The following CTNNA2 variants were observed in gnomAD, a reference collection of about 807,000 sequenced individuals.
CTNNA2 encodes catenin alpha-2.
Under a neutral mutation model 101.0 loss-of-function variants are expected in CTNNA2, and 42 were observed. That is an observed-to-expected ratio of 0.42 (90% confidence interval 0.32 to 0.54). The LOEUF (loss-of-function observed/expected upper bound fraction) is 0.54, where lower values mean the gene tolerates loss of function less well. Among genes scored for constraint, CTNNA2 ranks in the 20% least tolerant of loss-of-function variants. The pLI, the probability that CTNNA2 is intolerant of heterozygous loss-of-function variation, is 0.14. For synonymous variants in CTNNA2, 450 were observed against 456.4 expected (o/e 0.99, Z 0.18); for missense variants, 871 against 1,223.1 (o/e 0.71, Z 4.29).
At chr2:80,516,203 C>T (rs540011452) in intron 9 of CTNNA2, among the ~76,000 whole-genome samples, 1 of 152,326 alleles carries the variant, frequency 6.6e-6, no homozygotes, top group South Asian at 2.1e-4. Context: ...GGCTAATATG[C>T]ATCTTGCCTT....
intron 9 of CTNNA2, among the ~76,000 whole-genome samples, chr2:80,456,616 G>T (rs945369670): frequency 1.3e-5 from 2 of 152,180 alleles, no homozygotes; most frequent in African/African-American, 4.8e-5. Context: ...GTGTTTAAGG[G>T]CTCAAGGCTT....
At chr2:79,254,539 C>T (rs116215239) in intron 2 of CTNNA2, among the ~76,000 whole-genome samples, 6,429 of 152,228 alleles carry the variant, frequency 0.042, 384 homozygotes, top group African/African-American at 0.13. Flanking sequence ...AAAATCTCCC[C>T]GAGGCTTCCC....
chr2:79,427,854 A>G (rs1338447688), intron 4 of CTNNA2, among the ~76,000 whole-genome samples: 1 of 152,094 alleles, frequency 6.6e-6, no homozygotes, highest in African/African-American at 2.4e-5. Flanking sequence ...CAAAAATGAA[A>G]TCCTTTTTAA....
chr2:80,596,303 TTTTTTTTTTTTTTTTTTTTTTTTTGA>T, intron 15 of CTNNA2, among the ~76,000 whole-genome samples: 2 of 69,746 alleles, frequency 2.9e-5, no homozygotes, highest in Non-Finnish European at 5.7e-5. Context: ...TTTTTTTTTT[TTTTTTTTTTTTTTTTTTTTTTTTTGA>T]GACGGAGTCT....
chr2:80,553,929 A>G (rs1443673403), intron 11 of CTNNA2, among the ~76,000 whole-genome samples: 1 of 152,154 alleles, frequency 6.6e-6, no homozygotes, highest in African/African-American at 2.4e-5. Flanking sequence ...AAATGTCATG[A>G]TTTGGGAAGT....
At chr2:79,682,252 CA>C (rs915244691) in intron 2 of CTNNA2, among the ~76,000 whole-genome samples, 97 of 150,866 alleles carry the variant, frequency 6.4e-4, no homozygotes, top group African/African-American at 2.3e-3. Flanking sequence ...ACTAAAAATA[CA>C]AAAAAAACTT....
intron 9 of CTNNA2, 98 bp from the exon 10 acceptor site, chr2:80,544,884 C>G: frequency 1.0e-6 from 1 of 973,716 alleles, no homozygotes; most frequent in East Asian, 2.6e-5. Context: ...AAAGAATTCT[C>G]CTGGAAGAGA....
At chr2:80,226,091 C>T (rs748938294) in intron 7 of CTNNA2, among the ~76,000 whole-genome samples, 7 of 152,132 alleles carry the variant, frequency 4.6e-5, no homozygotes, top group Non-Finnish European at 8.8e-5. Flanking sequence ...CATTCATTAT[C>T]AGATGAGGAT....
At chr2:79,682,212 T>C (rs1031462502) in intron 2 of CTNNA2, among the ~76,000 whole-genome samples, 3 of 151,490 alleles carry the variant, frequency 2.0e-5, no homozygotes, top group African/African-American at 7.3e-5. Flanking sequence ...ATCGAGACCA[T>C]CCTGGCTAAC....
intron 7 of CTNNA2, among the ~76,000 whole-genome samples, chr2:80,126,451 T>C (rs1573158729): frequency 6.9e-6 from 1 of 145,638 alleles, no homozygotes; most frequent in Non-Finnish European, 1.5e-5. Flanking sequence ...TACCTCCAAC[T>C]CCTACCATTC....
At chr2:80,238,403 A>G (rs1709656200) in intron 7 of CTNNA2, among the ~76,000 whole-genome samples, 1 of 152,222 alleles carries the variant, frequency 6.6e-6, no homozygotes, top group South Asian at 2.1e-4. Flanking sequence ...AAATAACATT[A>G]CAAGGAATTA....
chr2:80,279,434 T>C (rs1674190883), intron 7 of CTNNA2, among the ~76,000 whole-genome samples: 1 of 152,198 alleles, frequency 6.6e-6, no homozygotes, highest in Non-Finnish European at 1.5e-5. Context: ...CAAGTGATCA[T>C]AGAAAAACCG....
intron 3 of CTNNA2, among the ~76,000 whole-genome samples, chr2:79,813,174 C>G (rs1034290651): frequency 5.3e-5 from 8 of 152,200 alleles, no homozygotes; most frequent in Admixed American, 2.0e-4. Context: ...TGACTCTTCT[C>G]TAAAATCCTG....
intron 18 of CTNNA2, among the ~76,000 whole-genome samples, chr2:80,640,419 T>C (rs980217456): frequency 1.2e-4 from 19 of 152,310 alleles, no homozygotes; most frequent in African/African-American, 4.1e-4. Flanking sequence ...AATGAGAGCT[T>C]GCTATCAAGG....
intron 8 of CTNNA2, among the ~76,000 whole-genome samples, chr2:80,399,318 T>C (rs1678342257): frequency 6.6e-6 from 1 of 152,200 alleles, no homozygotes; most frequent in Non-Finnish European, 1.5e-5. Flanking sequence ...TTTCATCAGT[T>C]GGAAACGGTT....
At chr2:80,101,932 G>A (rs1329111650) in intron 7 of CTNNA2, among the ~76,000 whole-genome samples, 1 of 152,146 alleles carries the variant, frequency 6.6e-6, no homozygotes, top group Non-Finnish European at 1.5e-5. Flanking sequence ...CTAGACTAGG[G>A]AAGTCTGCTC....
chr2:80,548,794 C>T (rs537091462), intron 11 of CTNNA2, among the ~76,000 whole-genome samples: 6 of 152,314 alleles, frequency 3.9e-5, no homozygotes, highest in African/African-American at 1.2e-4. Flanking sequence ...GCTAGGGAAA[C>T]TACTTCTCAT....
At chr2:79,303,150 G>A (rs1676152636) in intron 2 of CTNNA2, among the ~76,000 whole-genome samples, 1 of 152,038 alleles carries the variant, frequency 6.6e-6, no homozygotes, top group Non-Finnish European at 1.5e-5. Flanking sequence ...GACAAAACAA[G>A]GTTGGAAAAT....
chr2:79,609,617 A>C (rs1678132431), intron 1 of CTNNA2, among the ~76,000 whole-genome samples: 1 of 152,138 alleles, frequency 6.6e-6, no homozygotes, highest in Non-Finnish European at 1.5e-5. Context: ...CCATAAGAAA[A>C]TAGAAAGTCC....
Sources: gnomAD v4.1 joint callset for allele counts (sites outside exome capture counted in the v4.1 genomes callset) on GRCh38, gnomAD v4.1.1 for gene constraint, MANE v1.5 for transcripts, NCBI Gene and HGNC (gene_info 2026-07-23, HGNC 2026-07-21) for gene names.